Variants in ZFP3 observed in about 807,000 individuals in gnomAD.
ZFP3 encodes the protein zinc finger protein 3 homolog.
A neutral mutation model predicts 36.7 loss-of-function variants in ZFP3; 18 were observed. That is an observed-to-expected ratio of 0.49 (90% CI 0.34 to 0.73). The LOEUF (loss-of-function observed/expected upper bound fraction) is 0.73, where lower values mean the gene tolerates loss of function less well. ZFP3 is among the 30% of genes least tolerant of loss of function. The pLI, the probability that ZFP3 is intolerant of heterozygous loss-of-function variation, is 0.01. For missense variants in ZFP3, 495 were observed against 599.0 expected (o/e 0.83, Z 1.81); for synonymous variants, 218 against 199.0 (o/e 1.10, Z -0.81).
In ZFP3 at chr17:5,078,478, C is replaced by G. The variant is rs1043289260; in HGVS notation, c.-106C>G. The G allele has an allele frequency of 6.6e-6, 1 of 152,342 alleles. No homozygotes were observed. The highest frequency in any genetic ancestry group is 1.5e-5 in the Non-Finnish European group (1 of 68,102). The allele number at this position is 152,342 out of a possible 1,614,324, so 9.4% of individuals were successfully genotyped here. A position where few individuals can be genotyped will look rare whatever the true frequency, so the allele number is the denominator to read the frequency against. ...TACCGGAAGTGGCCGATGCCCGTCG[C>G]CAGTGACACCGGGACAACAGCTGCG... On this transcript the variant is annotated 5_prime_UTR_variant, in exon 1 of 2. Coordinates refer to ENST00000318833, the MANE Select transcript of ZFP3 (RefSeq NM_153018.3). This position sits in a 1 kb window ranked among gnomAD's most constrained non-coding sequence, Gnocchi z 4.5.
At chr17:5,088,742 C>G (rs1458255013) in intron 1 of ZFP3, among the ~76,000 whole-genome samples, 1 of 152,184 alleles carries the variant, frequency 6.6e-6, no homozygotes, top group East Asian at 1.9e-4. Flanking sequence ...GCCACCACGC[C>G]CGGCCAGGCC....
chr17:5,086,679 A>ACAGTT (rs1462458860), intron 1 of ZFP3, among the ~76,000 whole-genome samples: 2 of 148,624 alleles, frequency 1.3e-5, no homozygotes, highest in Admixed American at 6.7e-5. Context: ...ATCTGTGCTC[A>ACAGTT]CAGTTCATAT....
chr17:5,080,902 G>C (rs1234604190), intron 1 of ZFP3, among the ~76,000 whole-genome samples: 1 of 152,044 alleles, frequency 6.6e-6, no homozygotes, highest in East Asian at 1.9e-4. Context: ...TCTTCACTCT[G>C]ATGCTCTCCA....
At chr17:5,087,026 C>G (rs1411993787) in intron 1 of ZFP3, among the ~76,000 whole-genome samples, 1 of 151,638 alleles carries the variant, frequency 6.6e-6, no homozygotes, top group Non-Finnish European at 1.5e-5. Context: ...CTGTGCCCAG[C>G]CTCAGTAGAC....
chr17:5,086,919 G>A (rs573902553), intron 1 of ZFP3, among the ~76,000 whole-genome samples: 42 of 151,008 alleles, frequency 2.8e-4, no homozygotes, highest in African/African-American at 9.5e-4. Flanking sequence ...TAGTAGAGAC[G>A]GAGTTTCACC....
intron 1 of ZFP3, among the ~76,000 whole-genome samples, chr17:5,085,001 A>C (rs188306576): frequency 6.6e-6 from 1 of 152,170 alleles, no homozygotes; most frequent in African/African-American, 2.4e-5. Context: ...AATGCAAAGT[A>C]AAAGAATGAT....
rs2072159984 is a variant in ZFP3 at position 5,093,175 on chromosome 17, C to A, written c.*162C>A. 1 of 489,606 alleles carries A rather than the reference C, an allele frequency of 2.0e-6. No homozygotes were observed. Among genetic ancestry groups the A allele is most frequent in the Non-Finnish European group, 3.4e-6 (1 of 294,492 alleles). 30.3% of individuals were successfully genotyped at this position (489,606 alleles called of 1,614,324 possible). A position where few individuals can be genotyped will look rare whatever the true frequency, so the allele number is the denominator to read the frequency against. On this transcript the variant is annotated 3_prime_UTR_variant, in exon 2 of 2. Coordinates refer to ENST00000318833, the MANE Select transcript of ZFP3 (RefSeq NM_153018.3). ...ATAGTTGGTTGAAGAAGATGAGGCA[C>A]TTTTTTTTTTTTTTTTTTAAGCATT... is the stretch of plus-strand genomic sequence containing the variant.
intron 1 of ZFP3, among the ~76,000 whole-genome samples, chr17:5,079,805 A>T: frequency 6.6e-6 from 1 of 152,002 alleles, no homozygotes; most frequent in Non-Finnish European, 1.5e-5. Flanking sequence ...TTTGGGAGGC[A>T]AAGGTGGGCG....
At position 5,091,818 on chromosome 17, in the gene ZFP3, A is replaced by G. The variant is rs1204895508; in HGVS notation, c.314A>G (p.Gln105Arg). Residue 105 changes from glutamine (Q) to arginine (R), a missense_variant, in exon 2 of 2, where the codon CAG becomes CGG. Transcript: ENST00000318833. ...CCCAGCCCAAATCTGGTTACACATCAGGGAGATACAACAGAGGGAGTTAGT... is the reference window on the plus strand; with the variant it reads ...CCCAGCCCAAATCTGGTTACACATCGGGGAGATACAACAGAGGGAGTTAGT... ...CSPSPNLVTH[Q>R]GDTTEGVSAF... is the part of the protein sequence containing the mutation. The G allele has an allele frequency of 6.2e-7, 1 of 1,614,218 alleles. No homozygotes were observed. The highest frequency in any genetic ancestry group is 1.7e-5 in the Admixed American group (1 of 60,024).
Position 5,094,038 on chromosome 17 carries a change from C to T in ZFP3, c.*1025C>T, listed in dbSNP as rs565029236. ...TAAGTAGCAGACAGGACTGTGGCTT[C>T]ACCTCCTCCGGGCACCTGGCTACAG... On this transcript the variant is annotated 3_prime_UTR_variant, in exon 2 of 2. Transcript: ENST00000318833. 1.8e-5 allele frequency: 3 copies of T among 167,316 alleles called. No individual in the cohort carries two copies. The highest frequency in any genetic ancestry group is 4.1e-4 in the South Asian group (2 of 4,832). 10.4% of individuals were successfully genotyped at this position (167,316 alleles called of 1,614,324 possible).
chr17:5,082,253 A>G (rs2072097787), intron 1 of ZFP3, among the ~76,000 whole-genome samples: 1 of 151,876 alleles, frequency 6.6e-6, no homozygotes, highest in Non-Finnish European at 1.5e-5. Context: ...AGGCTGAGGC[A>G]GGAGAATCGC....
Position 5,092,339 on chromosome 17 carries a change from A to C in ZFP3, c.835A>C (p.Arg279=). Residue 279 remains arginine, a synonymous_variant, in exon 2 of 2, where the codon AGA becomes CGA. Coordinates refer to ENST00000318833, the MANE Select transcript of ZFP3 (RefSeq NM_153018.3). This position sits in a 1 kb window ranked among gnomAD's most constrained non-coding sequence, Gnocchi z 5.0. ...IQHQRIHTEE[R]YHECNECGKA... The stretch of plus-strand genomic sequence containing the variant: ...GCATCAGAGAATTCATACTGAAGAA[A>C]GATACCATGAATGCAATGAGTGTGG... The C allele has an allele frequency of 6.2e-7, 1 of 1,614,216 alleles. No homozygotes were observed. Among genetic ancestry groups the C allele is most frequent in the Non-Finnish European group, 8.5e-7 (1 of 1,180,046 alleles).
chr17:5,081,675 C>T (rs990291715), intron 1 of ZFP3, among the ~76,000 whole-genome samples: 2 of 151,572 alleles, frequency 1.3e-5, no homozygotes, highest in Non-Finnish European at 2.9e-5. Flanking sequence ...GATCTTGGCT[C>T]ACTGCAAGCT....
intron 1 of ZFP3, among the ~76,000 whole-genome samples, chr17:5,084,724 C>T (rs1464248036): frequency 1.3e-5 from 2 of 152,218 alleles, no homozygotes; most frequent in Non-Finnish European, 2.9e-5. Context: ...AACCTCTACT[C>T]TTCCAGTAGC....
intron 1 of ZFP3, among the ~76,000 whole-genome samples, chr17:5,081,538 G>T (rs1255646602): frequency 6.6e-6 from 1 of 152,136 alleles, no homozygotes; most frequent in Non-Finnish European, 1.5e-5. Flanking sequence ...TGGGCCTGTG[G>T]CCTGTAGGTT....
rs1418012799 is a variant in ZFP3, at chr17:5,092,649, G to A, written c.1145G>A (p.Arg382Lys). The change falls in exon 2 of 2, where the codon AGA becomes AAA. Residue 382 changes from arginine to lysine, a missense_variant. Physicochemically the swap from Arg to Lys is conservative, Grantham distance 26. This residue lies in a region of ZFP3 where 163 missense variants were observed against 178.4 expected (regional missense o/e 0.91). Transcript: ENST00000318833. This position sits in a 1 kb window ranked among gnomAD's most constrained non-coding sequence, Gnocchi z 5.0. ...KAFRGNSELL[R>K]HERIHTGEKP... ...TTCAGGGGGAACTCAGAACTTCTTA[G>A]ACATGAGAGAATTCACACTGGAGAG... 6.2e-7 allele frequency: 1 copy of A among 1,613,994 alleles called. No homozygotes were observed.
chr17:5,091,939 A>G lies in ZFP3; in HGVS notation c.435A>G (p.Glu145=). The G allele has an allele frequency of 6.2e-7, 1 of 1,614,202 alleles. No homozygotes were observed. The highest frequency in any genetic ancestry group is 8.5e-7 in the Non-Finnish European group (1 of 1,180,028). ...SVGEKPHTCK[E]CGKAFNQNSH... Reference sequence around the variant, plus strand: ...GAGAAAAGCCTCATACATGTAAAGAATGTGGGAAAGCCTTTAATCAGAACT... The same window carrying G: ...GAGAAAAGCCTCATACATGTAAAGAGTGTGGGAAAGCCTTTAATCAGAACT... The change falls in exon 2 of 2, where the codon GAA becomes GAG. Residue 145 remains glutamate, a synonymous_variant. Coordinates refer to ENST00000318833, the MANE Select transcript of ZFP3 (RefSeq NM_153018.3).
At position 5,095,424 on chromosome 17, in the gene ZFP3, C is replaced by T. The variant is rs1205325367; in HGVS notation, c.*2411C>T. On this transcript the variant is annotated 3_prime_UTR_variant, in exon 2 of 2. Transcript: ENST00000318833. ...AATTGTGCCCAGACCGTATCTTTCT[C>T]ACATGAAACCTGGATCTCACCTATC... The T allele has an allele frequency of 6.0e-6, 1 of 167,050 alleles. No individual in the cohort carries two copies. The highest frequency in any genetic ancestry group is 1.9e-4 in the East Asian group (1 of 5,204). The allele number at this position is 167,050 out of a possible 1,614,324, so 10.3% of individuals were successfully genotyped here.
At chr17:5,081,176 G>A (rs373086978) in intron 1 of ZFP3, among the ~76,000 whole-genome samples, 11 of 149,968 alleles carry the variant, frequency 7.3e-5, no homozygotes, top group South Asian at 2.1e-4. Flanking sequence ...CTGCAAGCTC[G>A]GCCTGCCCCG....
Sources: gnomAD v4.1 joint callset for allele counts (sites outside exome capture counted in the v4.1 genomes callset) on GRCh38, gnomAD v4.1.1 for gene constraint, gnomAD v4.1.1 regional missense constraint, Gnocchi (gnomAD v3.1) non-coding constraint, MANE v1.5 for transcripts, NCBI Gene and HGNC (gene_info 2026-07-23, HGNC 2026-07-21) for gene names.